GRIK3: variants seen among roughly 807,000 people sequenced by gnomAD.
The protein encoded by GRIK3 is glutamate ionotropic receptor kainate type subunit 3.
A neutral mutation model predicts 102.5 loss-of-function variants in GRIK3; 29 were observed. The observed-to-expected ratio is 0.28, with a 90% CI of 0.21 to 0.39. The LOEUF (loss-of-function observed/expected upper bound fraction) is 0.39, where lower values mean the gene tolerates loss of function less well. Ranked by LOEUF, GRIK3 falls within the 10% of genes least tolerant of loss-of-function variation. GRIK3 has a pLI of 1.00. For missense variants in GRIK3, 908 were observed against 1,252.4 expected (o/e 0.73, Z 4.15); for synonymous variants, 511 against 504.9 (o/e 1.01, Z -0.16).
At chr1:36,861,412 C>T (rs1640723947) in intron 5 of GRIK3, among the ~76,000 whole-genome samples, 1 of 152,204 alleles carries the variant, frequency 6.6e-6, no homozygotes, top group Non-Finnish European at 1.5e-5. Flanking sequence ...AGCCTGTCTT[C>T]TCCCCTGGGC....
chr1:36,997,843 G>A (rs968627591), intron 1 of GRIK3, among the ~76,000 whole-genome samples: 2 of 152,194 alleles, frequency 1.3e-5, no homozygotes, highest in Non-Finnish European at 2.9e-5. Context: ...AGGGTTTGGA[G>A]CTGACCAATC....
At chr1:36,963,632 A>C (rs1029398042) in intron 1 of GRIK3, among the ~76,000 whole-genome samples, 3 of 152,094 alleles carry the variant, frequency 2.0e-5, no homozygotes, top group Non-Finnish European at 2.9e-5. Flanking sequence ...TGGGATTTGA[A>C]CCCCTGCTTT....
intron 8 of GRIK3, among the ~76,000 whole-genome samples, chr1:36,852,420 A>G (rs575486085): frequency 6.6e-6 from 1 of 152,312 alleles, no homozygotes; most frequent in East Asian, 1.9e-4. Context: ...GGGAGGGAGC[A>G]TGATGGGGCC....
rs1642502017 is a variant in GRIK3, at chr1:36,806,300, C to T, written c.2118G>A (p.Lys706=). 7 of 1,613,934 alleles carry T rather than the reference C, an allele frequency of 4.3e-6. No individual in the cohort carries two copies. Among genetic ancestry groups the T allele is most frequent in the Non-Finnish European group, 5.9e-6 (7 of 1,179,814 alleles). The stretch of plus-strand genomic sequence containing the variant: ...GCTTGCTGCTCATGAAGGCCCACAT[C>T]TTCTCGAAGGTGGAGATCTTGGATT... The part of the protein sequence containing the change: ...FKKSKISTFE[K]MWAFMSSKPS... The change falls in exon 14 of 16, where the codon AAG becomes AAA. Residue 706 remains lysine (K), a synonymous_variant. Transcript: ENST00000373091. The surrounding 1 kb of genome is among the most constrained non-coding windows in gnomAD (Gnocchi z 4.0).
intron 7 of GRIK3, among the ~76,000 whole-genome samples, chr1:36,857,841 G>T (rs902493254): frequency 6.6e-6 from 1 of 152,114 alleles, no homozygotes; most frequent in Non-Finnish European, 1.5e-5. Flanking sequence ...TTTACATATG[G>T]GATTCTCTCC....
chr1:36,817,773 A>G (rs1316590482), intron 12 of GRIK3, among the ~76,000 whole-genome samples: 1 of 152,230 alleles, frequency 6.6e-6, no homozygotes, highest in African/African-American at 2.4e-5. Context: ...GGATTCTGCA[A>G]AACATGAAGA....
chr1:36,823,763 T>C (rs1383651464), intron 11 of GRIK3, among the ~76,000 whole-genome samples: 3 of 152,116 alleles, frequency 2.0e-5, no homozygotes, highest in Non-Finnish European at 4.4e-5. Context: ...TGATATAAAG[T>C]TGGATTTGAA....
rs548602437 is a variant in GRIK3, at chr1:36,976,682, C to G, written c.115+57312G>C. Among the ~76,000 whole-genome samples the G allele has an allele frequency of 2.6e-5, 4 of 152,234 alleles. No homozygotes were observed. In the South Asian group the frequency reaches 8.3e-4, roughly 32 times the overall value. ...GGATGATCCGTGCTGATCTTTACCC[C>G]CTCCCCATGGTTCTTGGATCTCTCC... is the stretch of plus-strand genomic sequence containing the variant. On this transcript the variant is annotated intron_variant, in intron 1 of 15. Coordinates refer to ENST00000373091, the MANE Select transcript of GRIK3 (RefSeq NM_000831.4).
intron 8 of GRIK3, 107 bp downstream of exon 8, chr1:36,853,508 G>T: frequency 2.8e-6 from 2 of 722,808 alleles, no homozygotes; most frequent in East Asian, 2.5e-5. Context: ...AGGGGCAGCT[G>T]GACTGTGTCT....
chr1:36,986,379 C>G (rs1387284899), intron 1 of GRIK3, among the ~76,000 whole-genome samples: 5 of 150,652 alleles, frequency 3.3e-5, no homozygotes, highest in African/African-American at 1.2e-4. Context: ...GTCCGCCCAT[C>G]CATCCATCCA....
intron 1 of GRIK3, among the ~76,000 whole-genome samples, chr1:37,001,132 T>C (rs1237496151): frequency 6.6e-6 from 1 of 152,212 alleles, no homozygotes; most frequent in Non-Finnish European, 1.5e-5. Flanking sequence ...CAAATGCCTT[T>C]AGATGCTGCA....
chr1:36,956,326 G>A (rs946718347), intron 1 of GRIK3, among the ~76,000 whole-genome samples: 1 of 152,222 alleles, frequency 6.6e-6, no homozygotes, highest in Non-Finnish European at 1.5e-5. Flanking sequence ...CAGAAGCCCA[G>A]AAGAGAAAGT....
In GRIK3 at chr1:36,872,068, G is replaced by A; in HGVS notation, c.732+120C>T. 1.1e-6 allele frequency: 1 copy of A among 930,852 alleles called. No homozygotes were observed. Among genetic ancestry groups the A allele is most frequent in the South Asian group, 1.8e-5 (1 of 55,436 alleles). 57.7% of individuals were successfully genotyped at this position (930,852 alleles called of 1,614,324 possible). A position where few individuals can be genotyped will look rare whatever the true frequency, so the allele number is the denominator to read the frequency against. On this transcript the variant is annotated intron_variant, in intron 4 of 15. Transcript: ENST00000373091. This position sits in a 1 kb window ranked among gnomAD's most constrained non-coding sequence, Gnocchi z 5.9. Reference sequence around the variant, plus strand: ...CCACCCAAGGTCACACAGCAGGAAAGTGGCAGAGCTAGGAGTCAAACTTAG... The same window carrying A: ...CCACCCAAGGTCACACAGCAGGAAAATGGCAGAGCTAGGAGTCAAACTTAG...
In GRIK3 at chr1:36,806,189, G is replaced by C; in HGVS notation, c.2229C>G (p.Ile743Met). The change falls in exon 14 of 16, where the codon ATC (isoleucine) becomes ATG (methionine). Residue 743 changes from isoleucine (I) to methionine (M), a missense_variant. Physicochemically the swap from Ile to Met is conservative, Grantham distance 10. Coordinates refer to ENST00000373091, the MANE Select transcript of GRIK3 (RefSeq NM_000831.4). This position sits in a 1 kb window ranked among gnomAD's most constrained non-coding sequence, Gnocchi z 4.0. The stretch of plus-strand genomic sequence containing the variant: ...TGCAGTTCCTCTGCGTGACGTACTC[G>C]ATGGTGGTGGACTCCATGAGCAGCG... ...DYALLMESTT[I>M]EYVTQRNCNL... 2 of 1,614,158 alleles carry C rather than the reference G, an allele frequency of 1.2e-6. No individual in the cohort carries two copies. Among genetic ancestry groups the C allele is most frequent in the Non-Finnish European group, 1.7e-6 (2 of 1,180,016 alleles).
chr1:36,922,722 A>G (rs1431539086), intron 1 of GRIK3, among the ~76,000 whole-genome samples: 2 of 152,134 alleles, frequency 1.3e-5, no homozygotes. Context: ...CAAAATATCC[A>G]AGAGGAGGAT....
Position 36,825,838 on chromosome 1 carries a change from C to G in GRIK3, c.1531-12G>C. On this transcript the variant is annotated splice_polypyrimidine_tract_variant and intron_variant, in intron 10 of 15. Coordinates refer to ENST00000373091, the MANE Select transcript of GRIK3 (RefSeq NM_000831.4). ...GCCAGATCTGCCTTCTGCAACCAGA[C>G]AGAGAGAGAAAGACAGACTATGAGC... 6.3e-7 allele frequency: 1 copy of G among 1,585,004 alleles called. No individual in the cohort carries two copies.
chr1:37,004,594 C>T (rs1266100352), intron 1 of GRIK3, among the ~76,000 whole-genome samples: 1 of 152,196 alleles, frequency 6.6e-6, no homozygotes, highest in African/African-American at 2.4e-5. Context: ...GCAGGTCTTA[C>T]GGGGACCATG....
intron 1 of GRIK3, among the ~76,000 whole-genome samples, chr1:36,911,304 C>T (rs912243946): frequency 3.3e-5 from 5 of 152,154 alleles, no homozygotes; most frequent in African/African-American, 9.7e-5. Context: ...GGCACCACTT[C>T]CCAGCTATGT....
At chr1:36,820,655 C>T (rs1395458) in intron 11 of GRIK3, among the ~76,000 whole-genome samples, 18,520 of 151,864 alleles carry the variant, frequency 0.12, 1,220 homozygotes, top group Non-Finnish European at 0.15. Flanking sequence ...AACCTTAAAA[C>T]GGAAAAAAAG....
Sources: allele counts gnomAD v4.1 joint callset (sites outside exome capture counted in the v4.1 genomes callset), GRCh38; gene constraint gnomAD v4.1.1; non-coding constraint Gnocchi (gnomAD v3.1); transcripts MANE v1.5; gene names NCBI Gene and HGNC (gene_info 2026-07-23, HGNC 2026-07-21).